OR10J1: variants seen among roughly 807,000 people sequenced by gnomAD.
OR10J1 encodes olfactory receptor 10J1.
For synonymous variants in OR10J1, 202 were observed against 143.8 expected, an observed-to-expected ratio of 1.40 and a Z score of -2.89; for missense variants, 474 against 376.6, an observed-to-expected ratio of 1.26 and a Z score of -2.14.
the OR10J1 span, among the ~76,000 whole-genome samples, chr1:159,419,400 C>G: frequency 6.6e-6 from 1 of 152,152 alleles, no homozygotes; most frequent in Non-Finnish European, 1.5e-5. Context: ...CTCATGAGAT[C>G]TGATGGTTTT....
chr1:159,401,590 G>A, the OR10J1 span, among the ~76,000 whole-genome samples: 1 of 151,874 alleles, frequency 6.6e-6, no homozygotes, highest in Non-Finnish European at 1.5e-5. Context: ...AACAAGTAAT[G>A]AGATTGAAGC....
the OR10J1 span, among the ~76,000 whole-genome samples, chr1:159,409,866 C>T: frequency 3.9e-5 from 6 of 152,064 alleles, no homozygotes; most frequent in South Asian, 2.1e-4. Context: ...CTTTGAGATA[C>T]GTCCCATCAA....
the OR10J1 span, among the ~76,000 whole-genome samples, chr1:159,404,626 G>A: frequency 6.6e-6 from 1 of 152,246 alleles, no homozygotes; most frequent in South Asian, 2.1e-4. Flanking sequence ...AACAGTGACA[G>A]CCTTGCCTGT....
chr1:159,405,254 C>A, the OR10J1 span, among the ~76,000 whole-genome samples: 1 of 152,102 alleles, frequency 6.6e-6, no homozygotes, highest in Admixed American at 6.6e-5. Flanking sequence ...ACATCTGAAG[C>A]TTTTTACAAG....
upstream of OR10J1, among the ~76,000 whole-genome samples, chr1:159,437,303 C>T (rs1655763895): frequency 6.6e-6 from 1 of 152,024 alleles, no homozygotes; most frequent in African/African-American, 2.4e-5. Flanking sequence ...CATGAACTGC[C>T]CTCTGCAGAA....
rs1003758002 is a variant in OR10J1, at chr1:159,440,625, T to C, written c.834T>C (p.Thr278=). ...EHDQLISVTY[T]VITPLLNPVV... ...ACCAGCTGATCTCGGTGACCTACAC[T>C]GTCATCACTCCCCTACTGAACCCTG... The change falls in exon 1 of 1, where the codon ACT becomes ACC. Residue 278 remains threonine (T), a synonymous_variant. Transcript: ENST00000423932. The C allele has an allele frequency of 6.2e-7, 1 of 1,613,690 alleles. No individual in the cohort carries two copies. The highest frequency in any genetic ancestry group is 2.2e-5 in the East Asian group (1 of 44,874).
Position 159,439,760 on chromosome 1 carries a change from T to C in OR10J1, c.-32T>C, listed in dbSNP as rs770179399. ...CTTTACTGGGACTATGTGACTTTTA[T>C]GCTTTTATGTTTCAGATTTGGGAAC... On this transcript the variant is annotated 5_prime_UTR_variant, in exon 1 of 1. It removes an upstream start codon present in the reference 5' UTR. Coordinates refer to ENST00000423932, the MANE Select transcript of OR10J1 (RefSeq NM_012351.3). 6.2e-7 allele frequency: 1 copy of C among 1,612,900 alleles called. No homozygotes were observed. The highest frequency in any genetic ancestry group is 1.1e-5 in the South Asian group (1 of 91,040).
chr1:159,411,117 A>C, the OR10J1 span, among the ~76,000 whole-genome samples: 1 of 151,850 alleles, frequency 6.6e-6, no homozygotes, highest in Non-Finnish European at 1.5e-5. Flanking sequence ...CTTTACTTCC[A>C]ACTATGTGGT....
chr1:159,406,345 G>A, the OR10J1 span: 9 of 467,444 alleles, frequency 1.9e-5, no homozygotes, highest in Admixed American at 1.4e-4. Flanking sequence ...CTCAGTCACA[G>A]CAGTGGACTT....
the OR10J1 span, chr1:159,405,992 G>GGGATTGC: frequency 2.2e-6 from 1 of 448,902 alleles, no homozygotes; most frequent in East Asian, 4.6e-5. Flanking sequence ...GGTTGCAGAA[G>GGGATTGC]ACCACATAGC....
In OR10J1 at chr1:159,440,393, T is replaced by A. The variant is rs200283580; in HGVS notation, c.602T>A (p.Ile201Asn). Residue 201 changes from isoleucine (I) to asparagine (N), a missense_variant, in exon 1 of 1, where the codon ATC becomes AAC. Coordinates refer to ENST00000423932, the MANE Select transcript of OR10J1 (RefSeq NM_012351.3). ...GTCAATGAAATCCTGACTTTGATTA[T>A]CAGTGTGCTGGTGCTTGTTGTACCT... is the stretch of plus-strand genomic sequence containing the variant. ...TTVNEILTLI[I>N]SVLVLVVPMG... 6.2e-7 allele frequency: 1 copy of A among 1,614,176 alleles called. No individual in the cohort carries two copies. Among genetic ancestry groups the A allele is most frequent in the East Asian group, 2.2e-5 (1 of 44,878 alleles).
chr1:159,437,627 A>G (rs775412892), upstream of OR10J1, among the ~76,000 whole-genome samples: 5 of 152,194 alleles, frequency 3.3e-5, no homozygotes, highest in South Asian at 2.1e-4. Flanking sequence ...AGGCTCCCCA[A>G]GCGCTAGCCT....
chr1:159,410,439 G>T, the OR10J1 span, among the ~76,000 whole-genome samples: 3 of 152,124 alleles, frequency 2.0e-5, no homozygotes, highest in East Asian at 1.9e-4. Flanking sequence ...GGGTGTATGC[G>T]TCAAGGAATT....
At chr1:159,424,365 C>A in the OR10J1 span, among the ~76,000 whole-genome samples, 4 of 150,140 alleles carry the variant, frequency 2.7e-5, no homozygotes, top group African/African-American at 9.8e-5. Flanking sequence ...TGTAAATATG[C>A]ATATATGTAT....
chr1:159,421,952 G>A, the OR10J1 span, among the ~76,000 whole-genome samples: 4 of 152,162 alleles, frequency 2.6e-5, no homozygotes, highest in Non-Finnish European at 4.4e-5. Flanking sequence ...CGTGGCATGG[G>A]CAATGACAGT....
chr1:159,431,890 G>A, the OR10J1 span, among the ~76,000 whole-genome samples: 2 of 152,114 alleles, frequency 1.3e-5, no homozygotes, highest in Non-Finnish European at 2.9e-5. Context: ...TTTTTAACAC[G>A]ATATTTTCAA....
upstream of OR10J1, among the ~76,000 whole-genome samples, chr1:159,438,333 A>C (rs758522057): frequency 1.1e-4 from 17 of 152,310 alleles, no homozygotes; most frequent in Admixed American, 5.9e-4. Context: ...GGAAGAAGGG[A>C]ATTCTTCCTT....
the OR10J1 span, among the ~76,000 whole-genome samples, chr1:159,413,834 TATA>T: frequency 9.4e-4 from 142 of 151,582 alleles, no homozygotes; most frequent in Non-Finnish European, 1.8e-3. Flanking sequence ...AAACTTAAAG[TATA>T]ATAATAATAA....
Position 159,440,308 on chromosome 1 carries a change from G to A in OR10J1, c.517G>A (p.Val173Met), listed in dbSNP as rs1198476429. The A allele has an allele frequency of 2.5e-6, 4 of 1,614,024 alleles. No individual in the cohort carries two copies. Among genetic ancestry groups the A allele is most frequent in the African/African-American group, 1.3e-5 (1 of 74,912 alleles). The change falls in exon 1 of 1, where the codon GTG becomes ATG. Residue 173 changes from valine to methionine, a missense_variant. Transcript: ENST00000423932. Reference protein sequence around the residue: ...VFRLPFCARKVPHFFCDIRPV... With the variant: ...VFRLPFCARKMPHFFCDIRPV... ...CAGGTTACCCTTCTGTGCTAGAAAG[G>A]TGCCCCACTTCTTCTGTGACATCCG...
Sources: allele counts gnomAD v4.1 joint callset (sites outside exome capture counted in the v4.1 genomes callset), GRCh38; gene constraint gnomAD v4.1.1; transcripts MANE v1.5; gene names NCBI Gene and HGNC (gene_info 2026-07-23, HGNC 2026-07-21).